The following UGT2A2 variants were observed in gnomAD, a reference collection of about 807,000 sequenced individuals.
The protein encoded by UGT2A2 is UDP-glucuronosyltransferase 2A2.
A neutral mutation model predicts 50.7 loss-of-function variants in UGT2A2; 60 were observed. That is an observed-to-expected ratio of 1.18 (90% confidence interval 0.96 to 1.47). The LOEUF (loss-of-function observed/expected upper bound fraction) is 1.47. Ranked by LOEUF, UGT2A2 falls within the 40% of genes most tolerant of loss-of-function variation. UGT2A2 has a pLI of 0.00. For synonymous variants in UGT2A2, 242 were observed against 214.6 expected (o/e 1.13, Z -1.11); for missense variants, 762 against 634.0 (o/e 1.20, Z -2.17).
At position 69,611,290 on chromosome 4, in the gene UGT2A2, C is replaced by T. The variant is rs377107340; in HGVS notation, c.743-11896G>A. The stretch of plus-strand genomic sequence containing the variant: ...TCTCCCAGTAGGTCACCTCCAAGTC[C>T]AGCTATTCTTAATGCTATTAATTTC... On this transcript the variant is annotated intron_variant, in intron 1 of 5. Transcript: ENST00000604629. Among the ~76,000 whole-genome samples the T allele has an allele frequency of 1.2e-4, 18 of 151,454 alleles. 1 individual carries two copies. The highest frequency in any genetic ancestry group is 4.1e-4 in the African/African-American group (17 of 41,166).
chr4:69,626,741 G>T (rs952984897), intron 1 of UGT2A2, among the ~76,000 whole-genome samples: 57 of 151,826 alleles, frequency 3.8e-4, no homozygotes, highest in Non-Finnish European at 5.0e-4. Flanking sequence ...TTAAGAGATT[G>T]CTTGTTCATT....
chr4:69,612,907 G>A (rs371472093), intron 1 of UGT2A2, among the ~76,000 whole-genome samples: 37 of 140,012 alleles, frequency 2.6e-4, no homozygotes, highest in Non-Finnish European at 3.4e-4. Context: ...AACCTCTGCA[G>A]AAAAAAAAAA....
chr4:69,632,302 G>A (rs1218770815), intron 1 of UGT2A2, among the ~76,000 whole-genome samples: 2 of 152,228 alleles, frequency 1.3e-5, no homozygotes, highest in Non-Finnish European at 2.9e-5. Flanking sequence ...AGGTTTTGGG[G>A]TTAATAAGGG....
intron 1 of UGT2A2, among the ~76,000 whole-genome samples, chr4:69,638,634 G>A (rs1721858457): frequency 6.6e-6 from 1 of 152,072 alleles, no homozygotes; most frequent in South Asian, 2.1e-4. Flanking sequence ...TTTATATTTT[G>A]AAATTGATTT....
rs1718483709 is a variant in UGT2A2 at position 69,589,726 on chromosome 4, CT to C, written c.1332-76del. 1.5e-5 allele frequency: 23 copies of C among 1,528,128 alleles called. 1 individual carries two copies. The South Asian group carries it at 3.0e-4, about 20-fold the overall frequency. 94.7% of individuals were successfully genotyped at this position (1,528,128 alleles called of 1,614,324 possible). A position where few individuals can be genotyped will look rare whatever the true frequency, so the allele number is the denominator to read the frequency against. ...TCATTGAAGATAAATATGTGATACACTTTTGCTCTACAAGTTTAAGGCCATA... is the reference window on the plus strand; with the variant it reads ...TCATTGAAGATAAATATGTGATACACTTTGCTCTACAAGTTTAAGGCCATA... On this transcript the variant is annotated intron_variant, in intron 5 of 5. Transcript: ENST00000604629.
chr4:69,608,212 C>T (rs1018985934), intron 1 of UGT2A2, among the ~76,000 whole-genome samples: 31 of 152,024 alleles, frequency 2.0e-4, no homozygotes, highest in East Asian at 5.8e-4. Flanking sequence ...AAATGTGGCA[C>T]GTATACACCA....
At chr4:69,621,260 T>C (rs1270431139) in intron 1 of UGT2A2, among the ~76,000 whole-genome samples, 1 of 151,880 alleles carries the variant, frequency 6.6e-6, no homozygotes, top group African/African-American at 2.4e-5. Context: ...CTGACAAAGA[T>C]CTAATATCCA....
At chr4:69,632,016 T>C (rs1721416467) in intron 1 of UGT2A2, among the ~76,000 whole-genome samples, 1 of 152,152 alleles carries the variant, frequency 6.6e-6, no homozygotes, top group South Asian at 2.1e-4. Context: ...ACATTATAGT[T>C]ATTAGTTTTT....
At chr4:69,627,729 T>A (rs1183982427) in intron 1 of UGT2A2, among the ~76,000 whole-genome samples, 3 of 151,864 alleles carry the variant, frequency 2.0e-5, no homozygotes, top group Non-Finnish European at 2.9e-5. Context: ...CAAGTGTCCC[T>A]GTATCAAATT....
rs1232371109 is a variant in UGT2A2 at position 69,594,682 on chromosome 4, T to C, written c.1126A>G (p.Lys376Glu). 2 of 1,613,702 alleles carry C rather than the reference T, an allele frequency of 1.2e-6. No individual in the cohort carries two copies. The highest frequency in any genetic ancestry group is 1.7e-6 in the Non-Finnish European group (2 of 1,179,810). The change falls in exon 5 of 6, where the codon AAA becomes GAA. Residue 376 changes from lysine (K) to glutamate (E), a missense_variant. Lys to Glu is a moderately conservative substitution (Grantham distance 56, BLOSUM62 1). Transcript: ENST00000604629. ...GTTCCACCATGAGTGATAAAAGCTT[T>C]GGTTTTGGGATGTCCTAATTTGAGG... The part of the protein sequence containing the change: ...QNDLLGHPKT[K>E]AFITHGGTNG...
chr4:69,619,352 T>G (rs891601031), intron 1 of UGT2A2, among the ~76,000 whole-genome samples: 3 of 151,832 alleles, frequency 2.0e-5, no homozygotes, highest in African/African-American at 7.3e-5. Flanking sequence ...TGAGCCAACA[T>G]CAGTGGCACT....
At chr4:69,609,444 C>T (rs1296865865) in intron 1 of UGT2A2, among the ~76,000 whole-genome samples, 2 of 151,928 alleles carry the variant, frequency 1.3e-5, no homozygotes, top group Non-Finnish European at 2.9e-5. Flanking sequence ...AAGTGATATA[C>T]CTTGGCCTCC....
At chr4:69,612,255 C>T (rs1436558515) in intron 1 of UGT2A2, among the ~76,000 whole-genome samples, 1 of 151,776 alleles carries the variant, frequency 6.6e-6, no homozygotes, top group African/African-American at 2.4e-5. Flanking sequence ...TAAAATTATT[C>T]CATATACTAT....
chr4:69,622,228 G>A (rs939453349), intron 1 of UGT2A2, among the ~76,000 whole-genome samples: 2 of 151,606 alleles, frequency 1.3e-5, no homozygotes, highest in Non-Finnish European at 1.5e-5. Context: ...AAAGAAAAAA[G>A]TTATGAATAC....
chr4:69,607,872 ACCATCT>A (rs1719754107), intron 1 of UGT2A2, among the ~76,000 whole-genome samples: 1 of 152,228 alleles, frequency 6.6e-6, no homozygotes, highest in African/African-American at 2.4e-5. Flanking sequence ...ACAATGAGAT[ACCATCT>A]CACACCAGTT....
intron 1 of UGT2A2, among the ~76,000 whole-genome samples, chr4:69,634,021 G>A (rs1026235673): frequency 1.2e-4 from 19 of 152,002 alleles, no homozygotes; most frequent in Admixed American, 3.9e-4. Context: ...CGAGGCGGGC[G>A]GATCAGGAGC....
chr4:69,596,307 GT>G lies in UGT2A2; in HGVS notation c.965del (p.Asn322ThrfsTer33). ...VVFSLGSMVK[N>X]LTEEKANLIA... The stretch of plus-strand genomic sequence containing the variant: ...TAAGATTGGCCTTTTCTTCTGTAAG[GT>G]TTTTGACCATTGATCCCAGAGAAAA... On this transcript the variant is annotated frameshift_variant, in exon 3 of 6. Transcript: ENST00000604629. LOFTEE classifies it high-confidence loss of function. 1 of 1,608,178 alleles carries G rather than the reference GT, an allele frequency of 6.2e-7. No homozygotes were observed.
At chr4:69,620,223 T>C (rs1246085430) in intron 1 of UGT2A2, among the ~76,000 whole-genome samples, 46 of 151,938 alleles carry the variant, frequency 3.0e-4, no homozygotes, top group Non-Finnish European at 2.9e-5. Context: ...TGATTCTATA[T>C]GTAGAAAACC....
chr4:69,639,564 AC>A lies in UGT2A2; in HGVS notation c.76del (p.Val26LeufsTer3). On this transcript the variant is annotated frameshift_variant, in exon 1 of 6. Transcript: ENST00000604629. LOFTEE classifies it high-confidence loss of function. ...MLVFNLTLTE[V>X]VLSGNVLIWP... ...AATTAACACATTCCCACTTAGAACA[AC>A]TTCAGTCAGAGTCAAATTAAAAACC... 6.2e-7 allele frequency: 1 copy of A among 1,611,958 alleles called. No homozygotes were observed. Among genetic ancestry groups the A allele is most frequent in the East Asian group, 2.2e-5 (1 of 44,824 alleles).
Sources: allele counts gnomAD v4.1 joint callset (sites outside exome capture counted in the v4.1 genomes callset), GRCh38; gene constraint gnomAD v4.1.1; transcripts MANE v1.5; gene names NCBI Gene and HGNC (gene_info 2026-07-23, HGNC 2026-07-21).